The following PBX1 variants were observed in gnomAD, a reference collection of about 807,000 sequenced individuals.
The protein encoded by PBX1 is pre-B-cell leukemia transcription factor 1.
PBX1 carries 6 observed loss-of-function variants against 53.4 expected under a neutral mutation model. The observed-to-expected ratio is 0.11, with a 90% CI of 0.06 to 0.22. The LOEUF is 0.22. Ranked by LOEUF, PBX1 falls within the 10% of genes least tolerant of loss-of-function variation. PBX1 has a pLI of 1.00. For missense variants in PBX1, 251 were observed against 551.4 expected, an observed-to-expected ratio of 0.46 and a Z score of 5.46; for synonymous variants, 204 against 212.3, an observed-to-expected ratio of 0.96 and a Z score of 0.34.
At chr1:164,872,445 A>G (rs919460162) in intron 2 of PBX1, among the ~76,000 whole-genome samples, 7 of 152,200 alleles carry the variant, frequency 4.6e-5, no homozygotes, top group South Asian at 4.1e-4. Flanking sequence ...ACATGTCCTG[A>G]GCCTCCTTGA....
intron 2 of PBX1, among the ~76,000 whole-genome samples, chr1:164,602,104 T>C (rs1342486105): frequency 6.6e-6 from 1 of 152,218 alleles, no homozygotes; most frequent in Non-Finnish European, 1.5e-5. Context: ...TTTCCAGGAC[T>C]CCTGTGTTTT....
intron 2 of PBX1, among the ~76,000 whole-genome samples, chr1:164,769,703 A>G (rs1212031001): frequency 3.9e-5 from 6 of 152,162 alleles, no homozygotes; most frequent in Admixed American, 3.9e-4. Context: ...TGAATAACTT[A>G]TATATAAGTG....
chr1:164,754,684 CGTGCGTGTGTGTGT>C (rs1666414351), intron 2 of PBX1, among the ~76,000 whole-genome samples: 1 of 151,880 alleles, frequency 6.6e-6, no homozygotes, highest in Admixed American at 6.6e-5. Flanking sequence ...CGTGCACGTG[CGTGCGTGTGTGTGT>C]GTGTGAGAGA....
chr1:164,788,542 T>G (rs1404751507), intron 2 of PBX1, among the ~76,000 whole-genome samples: 2 of 152,160 alleles, frequency 1.3e-5, no homozygotes, highest in African/African-American at 4.8e-5. Flanking sequence ...CCTCCAAGCA[T>G]TACAGACACA....
intron 2 of PBX1, among the ~76,000 whole-genome samples, chr1:164,624,673 T>C (rs1029035147): frequency 1.3e-5 from 2 of 152,264 alleles, no homozygotes; most frequent in East Asian, 1.9e-4. Flanking sequence ...AATGCTATTG[T>C]GGTTAATGAA....
chr1:164,647,003 T>C (rs1161081268), intron 2 of PBX1, among the ~76,000 whole-genome samples: 1 of 152,110 alleles, frequency 6.6e-6, no homozygotes, highest in Non-Finnish European at 1.5e-5. Flanking sequence ...GCCTTCCTGG[T>C]AGTAAGGGGG....
intron 2 of PBX1, among the ~76,000 whole-genome samples, chr1:164,671,886 C>A (rs1002423360): frequency 6.6e-6 from 1 of 152,132 alleles, no homozygotes; most frequent in Non-Finnish European, 1.5e-5. Flanking sequence ...GCCCATATGC[C>A]TTACCTTCCC....
Position 164,559,373 on chromosome 1 carries a change from C to G in PBX1, c.-450C>G, listed in dbSNP as rs1465246657. 1 of 218,872 alleles carries G rather than the reference C, an allele frequency of 4.6e-6. No homozygotes were observed. Among genetic ancestry groups the G allele is most frequent in the Admixed American group, 5.8e-5 (1 of 17,216 alleles). The allele number at this position is 218,872 out of a possible 1,614,324, so 13.6% of individuals were successfully genotyped here. A position where few individuals can be genotyped will look rare whatever the true frequency, so the allele number is the denominator to read the frequency against. On this transcript the variant is annotated 5_prime_UTR_variant, in exon 1 of 9. Transcript: ENST00000420696. Reference sequence around the variant, plus strand: ...GGGTGGGGGGGGAAAGTTTGCATTGCAATCCCCCTGCCTTCCTCTCCTTTC... The same window carrying G: ...GGGTGGGGGGGGAAAGTTTGCATTGGAATCCCCCTGCCTTCCTCTCCTTTC...
At chr1:164,677,804 G>T (rs541373479) in intron 2 of PBX1, among the ~76,000 whole-genome samples, 16 of 152,226 alleles carry the variant, frequency 1.1e-4, no homozygotes, top group African/African-American at 3.1e-4. Flanking sequence ...GGAAGAGGGT[G>T]ACAATGAGGG....
intron 2 of PBX1, chr1:164,769,723 T>C (rs1667266070): frequency 6.6e-6 from 1 of 152,224 alleles, no homozygotes; most frequent in South Asian, 2.1e-4. Flanking sequence ...GATGAAACTC[T>C]ATAGTACTAA....
chr1:164,574,102 G>A (rs936609567), intron 2 of PBX1, among the ~76,000 whole-genome samples: 1 of 152,204 alleles, frequency 6.6e-6, no homozygotes, highest in Non-Finnish European at 1.5e-5. Context: ...GCTGGAAGCC[G>A]GGATGGGGTG....
Position 164,674,847 on chromosome 1 carries a change from G to GCCCCCCCCCCCCCCCC in PBX1, c.265+111551_265+111552insCCCCCCCCCCCCCCCC, listed in dbSNP as rs78130048. 4 of 40,616 alleles carry GCCCCCCCCCCCCCCCC rather than the reference G, an allele frequency of 9.8e-5. 1 individual carries two copies. Among genetic ancestry groups the GCCCCCCCCCCCCCCCC allele is most frequent in the Admixed American group, 6.0e-4 (2 of 3,334 alleles). 2.5% of individuals were successfully genotyped at this position (40,616 alleles called of 1,614,324 possible). On this transcript the variant is annotated intron_variant, in intron 2 of 8. Transcript: ENST00000420696. ...TATTTAGTTAGAGGAAGAAATCACA[G>GCCCCCCCCCCCCCCCC]CCCCCCCCCCCCCCCACCCACCACC...
At chr1:164,809,655 T>G (rs1270225585) in intron 5 of PBX1, among the ~76,000 whole-genome samples, 1 of 152,212 alleles carries the variant, frequency 6.6e-6, no homozygotes, top group Non-Finnish European at 1.5e-5. Context: ...AGGGAATACC[T>G]CTTGGGCTGT....
chr1:164,599,962 T>C (rs908272488), intron 2 of PBX1, among the ~76,000 whole-genome samples: 1 of 152,120 alleles, frequency 6.6e-6, no homozygotes, highest in African/African-American at 2.4e-5. Flanking sequence ...GCAATTCTTT[T>C]CCAAACCAAA....
At chr1:164,680,194 T>C (rs1401120843) in intron 2 of PBX1, 1 of 152,188 alleles carries the variant, frequency 6.6e-6, no homozygotes, top group Non-Finnish European at 1.5e-5. Flanking sequence ...CCTATAGATA[T>C]TTCATAAGGA....
chr1:164,718,295 A>G (rs543918294), intron 2 of PBX1, among the ~76,000 whole-genome samples: 1 of 152,342 alleles, frequency 6.6e-6, no homozygotes, highest in East Asian at 1.9e-4. Flanking sequence ...TTTGGGCAAA[A>G]GAATTCATCA....
chr1:164,821,234 C>T (rs1253264443), intron 7 of PBX1, among the ~76,000 whole-genome samples: 1 of 152,130 alleles, frequency 6.6e-6, no homozygotes, highest in Non-Finnish European at 1.5e-5. Flanking sequence ...CATGCTTTCC[C>T]CTCCAGCTCC....
At chr1:164,839,289 A>C (rs1236093031) in intron 8 of PBX1, among the ~76,000 whole-genome samples, 1 of 152,236 alleles carries the variant, frequency 6.6e-6, no homozygotes, top group Non-Finnish European at 1.5e-5. Flanking sequence ...TTGAGAGCAG[A>C]AACAAGATTT....
intron 2 of PBX1, among the ~76,000 whole-genome samples, chr1:164,876,005 T>TATATATATATATATATATATACACAC (rs1487676214): frequency 3.5e-5 from 2 of 56,792 alleles, no homozygotes; most frequent in African/African-American, 6.5e-5. Context: ...TATATATATA[T>TATATATATATATATATATATACACAC]ACACACATAC....
Sources: gnomAD v4.1 joint callset for allele counts (sites outside exome capture counted in the v4.1 genomes callset) on GRCh38, gnomAD v4.1.1 for gene constraint, MANE v1.5 for transcripts, NCBI Gene and HGNC (gene_info 2026-07-23, HGNC 2026-07-21) for gene names.